The following PHB2 variants were observed in gnomAD, a reference collection of about 807,000 sequenced individuals.
PHB2 encodes the protein prohibitin-2.
In PHB2, 22 loss-of-function variants were observed where a neutral mutation model predicts 46.4. The observed-to-expected ratio is 0.47, with a 90% CI of 0.34 to 0.68. The LOEUF (loss-of-function observed/expected upper bound fraction) is 0.68. Ranked by LOEUF, PHB2 falls within the 30% of genes least tolerant of loss-of-function variation. The probability of loss-of-function intolerance (pLI) is 0.01; values close to 1 mark genes in which losing one functional copy is unlikely to be tolerated. For missense variants in PHB2, 305 were observed against 382.8 expected (o/e 0.80, Z 1.70); for synonymous variants, 156 against 150.5 (o/e 1.04, Z -0.27).
chr12:6,967,296 C>T lies in PHB2; in HGVS notation c.712-48G>A. ...CAAGGGCAGGTCTCAATCCCTGGCC[C>T]TGTCCTTACCACACTCCCTTGCTCC... On this transcript the variant is annotated intron_variant, in intron 6 of 9. Coordinates refer to ENST00000535923, the MANE Select transcript of PHB2 (RefSeq NM_001144831.2). This position sits in a 1 kb window ranked among gnomAD's most constrained non-coding sequence, Gnocchi z 4.9. 6.2e-7 allele frequency: 1 copy of T among 1,611,892 alleles called. No homozygotes were observed. Among genetic ancestry groups the T allele is most frequent in the Non-Finnish European group, 8.5e-7 (1 of 1,178,258 alleles).
intron 8 of PHB2, among the ~76,000 whole-genome samples, 172 bp from the exon 9 acceptor site, chr12:6,966,088 T>G (rs927841358): frequency 6.6e-6 from 1 of 152,222 alleles, no homozygotes; most frequent in African/African-American, 2.4e-5. Context: ...CATGTTCTCA[T>G]GGCCACTGCT....
In PHB2 at chr12:6,968,520, C is replaced by T. The variant is rs782150944; in HGVS notation, c.368G>A (p.Arg123His). 5.0e-6 allele frequency: 8 copies of T among 1,612,736 alleles called. No individual in the cohort carries two copies. Among genetic ancestry groups the T allele is most frequent in the African/African-American group, 2.7e-5 (2 of 74,884 alleles). Reference sequence around the variant, plus strand: ...TCGTTCCTCGTAGTCCAGCCCTAGGCGCTGGTACATGCTAGGAAGCTCCTG... The same window carrying T: ...TCGTTCCTCGTAGTCCAGCCCTAGGTGCTGGTACATGCTAGGAAGCTCCTG... Reference protein sequence around the residue: ...NAQELPSMYQRLGLDYEERVL... With the variant: ...NAQELPSMYQHLGLDYEERVL... The change falls in exon 4 of 10, where the codon CGC becomes CAC. Residue 123 changes from arginine (R) to histidine (H), a missense_variant. This residue lies in a region of PHB2 where 241 missense variants were observed against 302.7 expected (regional missense o/e 0.80). Transcript: ENST00000535923.
intron 2 of PHB2, chr12:6,969,835 G>A (rs1258420112): frequency 7.9e-6 from 4 of 507,262 alleles, no homozygotes; most frequent in South Asian, 2.0e-5. Flanking sequence ...GGAGGCGGAG[G>A]TTGCAGTGAG....
Position 6,965,686 on chromosome 12 carries a change from C to A in PHB2, c.899G>T (p.Ter300LeuextTer2). 3 of 1,611,982 alleles carry A rather than the reference C, an allele frequency of 1.9e-6. No homozygotes were observed. The highest frequency in any genetic ancestry group is 2.2e-5 in the East Asian group (1 of 44,852). Residue 300 changes from the stop codon to leucine, a stop_lost, in exon 10 of 10, where the codon TGA (stop) becomes TTA (leucine). Transcript: ENST00000535923. ...GGGTGGAGTTCTTGGTGACTAGGCT[C>A]ATTTCTTACCCTTGATGAGGCTGTC... ...GSDSLIKGKK[*>L]
chr12:6,969,009 C>T (rs1373131128), intron 3 of PHB2, among the ~76,000 whole-genome samples: 2 of 152,138 alleles, frequency 1.3e-5, no homozygotes, highest in African/African-American at 4.8e-5. Context: ...AAGTACATTA[C>T]AGGTTACAGG....
chr12:6,968,193 C>A (rs1555151220), intron 4 of PHB2, among the ~76,000 whole-genome samples, 172 bp from the exon 5 acceptor site: 1 of 152,228 alleles, frequency 6.6e-6, no homozygotes, highest in South Asian at 2.1e-4. Flanking sequence ...GCAGGAAAAG[C>A]CAAGACTTGG....
Position 6,965,900 on chromosome 12 carries a change from C to G in PHB2, c.872+11G>C, listed in dbSNP as rs782503412. 6.3e-7 allele frequency: 1 copy of G among 1,599,000 alleles called. No individual in the cohort carries two copies. The highest frequency in any genetic ancestry group is 8.5e-7 in the Non-Finnish European group (1 of 1,179,424). On this transcript the variant is annotated intron_variant, in intron 9 of 9. Coordinates refer to ENST00000535923, the MANE Select transcript of PHB2 (RefSeq NM_001144831.2). ...GGCCTGCAGGACCCCACAGAAGCAA[C>G]AACAGCTTACCTTCCCCTGTGGTGC...
upstream of PHB2, chr12:6,970,698 C>G (rs1216376903): frequency 3.5e-5 from 35 of 1,012,456 alleles, no homozygotes; most frequent in Admixed American, 5.6e-5. Context: ...CTTTGAAACC[C>G]TCCCCCTTAG....
Position 6,967,477 on chromosome 12 carries a change from C to G in PHB2, c.711+199G>C, listed in dbSNP as rs782434067. On this transcript the variant is annotated intron_variant, in intron 6 of 9. Transcript: ENST00000535923. This position sits in a 1 kb window ranked among gnomAD's most constrained non-coding sequence, Gnocchi z 4.9. ...AAGGCCACCAATGCTATTGATCTGG[C>G]CTTACAGTGGGGAGTCATGGCTCAG... The G allele has an allele frequency of 1.2e-5, 12 of 1,002,824 alleles. No individual in the cohort carries two copies. In the East Asian group the frequency reaches 1.7e-4, roughly 14 times the overall value. The allele number at this position is 1,002,824 out of a possible 1,614,324, so 62.1% of individuals were successfully genotyped here. A position where few individuals can be genotyped will look rare whatever the true frequency, so the allele number is the denominator to read the frequency against.
At position 6,968,379 on chromosome 12, in the gene PHB2, T is replaced by C. The variant is rs782098163; in HGVS notation, c.477+32A>G. ...TACTCTGGGCCTAGGAAGGAAAGGC[T>C]GACACCACGCAGATGGTGGTGGGAG... On this transcript the variant is annotated intron_variant, in intron 4 of 9. Transcript: ENST00000535923. 2.6e-6 allele frequency: 4 copies of C among 1,532,032 alleles called. No homozygotes were observed. The African/African-American group carries it at 5.5e-5, about 21-fold the overall frequency. 94.9% of individuals were successfully genotyped at this position (1,532,032 alleles called of 1,614,324 possible). A position where few individuals can be genotyped will look rare whatever the true frequency, so the allele number is the denominator to read the frequency against.
At chr12:6,968,226 AC>A (rs1555151230) in intron 4 of PHB2, among the ~76,000 whole-genome samples, 184 bp downstream of exon 4, 1 of 152,326 alleles carries the variant, frequency 6.6e-6, no homozygotes, top group African/African-American at 2.4e-5. Flanking sequence ...GTGCTTCCTA[AC>A]ACCGAGTGCT....
chr12:6,968,280 T>G (rs781986047), intron 4 of PHB2, 131 bp downstream of exon 4: 3 of 735,110 alleles, frequency 4.1e-6, no homozygotes, highest in African/African-American at 1.8e-5. Context: ...CAGTGGCAAT[T>G]AGCACAGCTT....
chr12:6,967,586 C>A lies in PHB2; in HGVS notation c.711+90G>T. 9.1e-7 allele frequency: 1 copy of A among 1,096,810 alleles called. No individual in the cohort carries two copies. The highest frequency in any genetic ancestry group is 1.2e-5 in the South Asian group (1 of 80,442). The allele number at this position is 1,096,810 out of a possible 1,614,324, so 67.9% of individuals were successfully genotyped here. A position where few individuals can be genotyped will look rare whatever the true frequency, so the allele number is the denominator to read the frequency against. On this transcript the variant is annotated intron_variant, in intron 6 of 9. Coordinates refer to ENST00000535923, the MANE Select transcript of PHB2 (RefSeq NM_001144831.2). The surrounding 1 kb of genome is among the most constrained non-coding windows in gnomAD (Gnocchi z 4.9). ...GGGCCAGAGAGCACGGAGTCGCATT[C>A]GCCTTAGTCTCATCAGCCTGCCCAT...
chr12:6,969,907 AAAAAAG>A, intron 2 of PHB2: 1 of 627,920 alleles, frequency 1.6e-6, no homozygotes, highest in African/African-American at 1.8e-5. Context: ...TCCAAAAAAA[AAAAAAG>A]AAAAGGCCGC....
At chr12:6,969,414 G>C (rs1474975470) in intron 3 of PHB2, 84 bp downstream of exon 3, 1 of 701,588 alleles carries the variant, frequency 1.4e-6, no homozygotes, top group African/African-American at 1.8e-5. Flanking sequence ...CTAAAGGCCT[G>C]ACACTACCAT....
chr12:6,965,811 T>G, intron 9 of PHB2, 99 bp from the exon 10 acceptor site: 1 of 1,541,980 alleles, frequency 6.5e-7, no homozygotes, highest in Non-Finnish European at 8.9e-7. Flanking sequence ...CCTACCCTGA[T>G]TGAGGGTTTG....
At chr12:6,968,348 T>G (rs1466723168) in intron 4 of PHB2, 63 bp downstream of exon 4, 1 of 1,231,952 alleles carries the variant, frequency 8.1e-7, no homozygotes, top group East Asian at 2.5e-5. Context: ...CTTTCCTAAT[T>G]CCCAATACTC....
Position 6,970,228 on chromosome 12 carries a change from C to G in PHB2, c.180G>C (p.Gln60His), listed in dbSNP as rs782749002. 1.3e-4 allele frequency: 210 copies of G among 1,613,728 alleles called. No homozygotes were observed. The highest frequency in any genetic ancestry group is 1.3e-4 in the Non-Finnish European group (159 of 1,179,860). Residue 60 changes from glutamine to histidine, a missense_variant, in exon 2 of 10, where the codon CAG becomes CAC. Physicochemically the swap from Gln to His is conservative, Grantham distance 24. This residue lies in a region of PHB2 where 241 missense variants were observed against 302.7 expected (regional missense o/e 0.80). Transcript: ENST00000535923. ...GAAGGCCCTCGGCCAGGATAGTGTC[C>G]TGCTGCACTCCACCGATCCGATTGA... is the stretch of plus-strand genomic sequence containing the variant. Reference protein sequence around the residue: ...IFFNRIGGVQQDTILAEGLHF... With the variant: ...IFFNRIGGVQHDTILAEGLHF...
rs1555151929 is a variant in PHB2 at position 6,970,486 on chromosome 12, C to T, written c.58G>A (p.Gly20Ser). ...CCCAGCAACAGCTTCAGGGCCGTGC[C>T]CATGCCCCGGGGCCCGGCGGGCAGC... ...GRLPAGPRGM[G>S]TALKLLLGAG... The change falls in exon 1 of 10, where the codon GGC (glycine) becomes AGC (serine). Residue 20 changes from glycine (G) to serine (S), a missense_variant. By Grantham distance (56) the Gly-to-Ser change is moderately conservative. Coordinates refer to ENST00000535923, the MANE Select transcript of PHB2 (RefSeq NM_001144831.2). The T allele has an allele frequency of 6.2e-7, 1 of 1,605,770 alleles. No homozygotes were observed. The highest frequency in any genetic ancestry group is 1.1e-5 in the South Asian group (1 of 90,986).
Sources: allele counts gnomAD v4.1 joint callset (sites outside exome capture counted in the v4.1 genomes callset), GRCh38; gene constraint gnomAD v4.1.1; regional missense constraint gnomAD v4.1.1; non-coding constraint Gnocchi (gnomAD v3.1); transcripts MANE v1.5; gene names NCBI Gene and HGNC (gene_info 2026-07-23, HGNC 2026-07-21).